Variants in ELMO1 observed in about 807,000 individuals in gnomAD.
The protein encoded by ELMO1 is engulfment and cell motility protein 1.
A neutral mutation model predicts 98.9 loss-of-function variants in ELMO1; 26 were observed. The observed-to-expected ratio is 0.26, with a 90% CI of 0.19 to 0.36. The LOEUF is 0.36. Among genes scored for constraint, ELMO1 ranks in the 10% least tolerant of loss-of-function variants. The pLI is 1.00. For missense variants in ELMO1, 627 were observed against 935.2 expected (o/e 0.67, Z 4.30); for synonymous variants, 346 against 346.0 (o/e 1.00, Z 0.00).
chr7:37,045,259 A>G (rs777860129), intron 15 of ELMO1, among the ~76,000 whole-genome samples: 8 of 152,238 alleles, frequency 5.3e-5, no homozygotes, highest in Non-Finnish European at 8.8e-5. Context: ...ACTATTACTA[A>G]TGGTAATGAA....
At chr7:37,066,925 A>C (rs1164530656) in intron 15 of ELMO1, among the ~76,000 whole-genome samples, 1 of 152,224 alleles carries the variant, frequency 6.6e-6, no homozygotes, top group African/African-American at 2.4e-5. Flanking sequence ...TGCATTACCC[A>C]GCTAAGCAAA....
chr7:37,029,153 G>A (rs1379939958), intron 15 of ELMO1, among the ~76,000 whole-genome samples: 3 of 152,126 alleles, frequency 2.0e-5, no homozygotes, highest in African/African-American at 7.2e-5. Flanking sequence ...AACCAGATCT[G>A]TGCACAACCA....
intron 16 of ELMO1, among the ~76,000 whole-genome samples, chr7:36,960,506 A>G (rs1170328781): frequency 1.3e-5 from 2 of 151,988 alleles, no homozygotes; most frequent in Admixed American, 6.6e-5. Flanking sequence ...CTCTTCCCCC[A>G]GCTGTAGTTC....
At chr7:36,915,954 T>A (rs113426543) in intron 16 of ELMO1, among the ~76,000 whole-genome samples, 161 of 152,296 alleles carry the variant, frequency 1.1e-3, no homozygotes, top group Middle Eastern at 3.4e-3. Context: ...TTTGGGGTCA[T>A]CCTTGTGAGT....
chr7:36,886,489 A>T (rs1805022348), intron 18 of ELMO1, among the ~76,000 whole-genome samples: 1 of 152,218 alleles, frequency 6.6e-6, no homozygotes, highest in Admixed American at 6.5e-5. Context: ...GTGGCTTAGC[A>T]GGGCATCCAG....
intron 20 of ELMO1, among the ~76,000 whole-genome samples, chr7:36,862,514 C>T (rs1247604748): frequency 6.6e-6 from 1 of 152,238 alleles, no homozygotes; most frequent in Non-Finnish European, 1.5e-5. Context: ...AGTGCCATGT[C>T]TAATATGTAC....
intron 13 of ELMO1, among the ~76,000 whole-genome samples, chr7:37,137,377 T>C (rs1013017711): frequency 9.2e-5 from 14 of 152,086 alleles, no homozygotes; most frequent in African/African-American, 3.1e-4. Flanking sequence ...AGACAGAAAG[T>C]CAACAAAGAA....
intron 1 of ELMO1, among the ~76,000 whole-genome samples, chr7:37,392,484 C>T (rs1458405960): frequency 6.6e-6 from 1 of 152,182 alleles, no homozygotes; most frequent in Non-Finnish European, 1.5e-5. Context: ...AGCATGAGCA[C>T]GTCAGTCAGA....
chr7:37,173,192 A>T (rs1002487935), intron 13 of ELMO1, among the ~76,000 whole-genome samples: 20 of 152,188 alleles, frequency 1.3e-4, no homozygotes, highest in African/African-American at 4.6e-4. Flanking sequence ...AACTCTAGAG[A>T]TGCACTCTTT....
In ELMO1 at chr7:37,364,510, CA is replaced by C. The variant is rs373018679; in HGVS notation, c.-73-21748del. 2.0e-3 allele frequency among the ~76,000 whole-genome samples: 311 copies of C among 152,018 alleles called. 1 individual carries two copies. The highest frequency in any genetic ancestry group is 3.5e-3 in the Non-Finnish European group (238 of 67,988). On this transcript the variant is annotated intron_variant, in intron 1 of 21. Transcript: ENST00000310758. The stretch of plus-strand genomic sequence containing the variant: ...AGAAAGAGACTTCTTCACTTGTTTT[CA>C]AAACCTTTAACACATAGGAAAATAA...
At chr7:37,436,736 G>A (rs564622102) in intron 1 of ELMO1, among the ~76,000 whole-genome samples, 1 of 152,294 alleles carries the variant, frequency 6.6e-6, no homozygotes, top group South Asian at 2.1e-4. Flanking sequence ...CATCCAGAGA[G>A]AGCGATTGGA....
chr7:37,385,560 AT>A (rs1214021357), intron 1 of ELMO1, among the ~76,000 whole-genome samples: 2 of 152,244 alleles, frequency 1.3e-5, no homozygotes, highest in South Asian at 2.1e-4. Flanking sequence ...TATTTTCTTG[AT>A]GGCACTTCTC....
intron 2 of ELMO1, among the ~76,000 whole-genome samples, chr7:37,319,006 G>GCT (rs987151691): frequency 8.5e-5 from 13 of 152,114 alleles, no homozygotes; most frequent in African/African-American, 2.9e-4. Flanking sequence ...TTTACCTGTA[G>GCT]CTCTCTAATT....
In ELMO1 at chr7:37,211,435, TC is replaced by T; in HGVS notation, c.1036del (p.Glu346ArgfsTer73). The T allele has an allele frequency of 6.2e-7, 1 of 1,614,058 alleles. No homozygotes were observed. Among genetic ancestry groups the T allele is most frequent in the South Asian group, 1.1e-5 (1 of 91,072 alleles). ...SEPNNSSGSM[E>X]KRKSMYTRDY... ...TCGCGTGTACATGGACTTGCGTTTC[TC>T]CATGCTGCCACTGCTGTTGTTAGGT... On this transcript the variant is annotated frameshift_variant, in exon 13 of 22. Coordinates refer to ENST00000310758, the MANE Select transcript of ELMO1 (RefSeq NM_014800.11). LOFTEE classifies it high-confidence loss of function.
At chr7:37,400,377 T>A (rs757844325) in intron 1 of ELMO1, among the ~76,000 whole-genome samples, 78 of 151,452 alleles carry the variant, frequency 5.2e-4, no homozygotes, top group Non-Finnish European at 8.4e-4. Flanking sequence ...TTTCAAAATT[T>A]AAAAAAAAAG....
At chr7:36,931,549 C>T (rs548059498) in intron 16 of ELMO1, among the ~76,000 whole-genome samples, 108 of 152,256 alleles carry the variant, frequency 7.1e-4, no homozygotes, top group Middle Eastern at 6.8e-3. Flanking sequence ...TGCAGTGAGC[C>T]GAGATTGCAT....
intron 16 of ELMO1, among the ~76,000 whole-genome samples, chr7:36,970,220 C>T (rs1440985073): frequency 4.0e-5 from 6 of 149,440 alleles, no homozygotes; most frequent in Admixed American, 6.7e-5. Context: ...CACACACACA[C>T]GCACACCAAG....
intron 16 of ELMO1, among the ~76,000 whole-genome samples, chr7:36,916,909 T>C (rs1338197152): frequency 3.9e-5 from 6 of 152,198 alleles, no homozygotes; most frequent in African/African-American, 1.4e-4. Flanking sequence ...TGGCTCAATT[T>C]GGGTACAAGT....
chr7:37,074,386 G>A (rs7809495), intron 15 of ELMO1, among the ~76,000 whole-genome samples: 36,384 of 151,890 alleles, frequency 0.24, 5,230 homozygotes, highest in African/African-American at 0.41. Flanking sequence ...GCTTAAAATG[G>A]TGTTAGAATA....
Sources: gnomAD v4.1 joint callset for allele counts (sites outside exome capture counted in the v4.1 genomes callset) on GRCh38, gnomAD v4.1.1 for gene constraint, MANE v1.5 for transcripts, NCBI Gene and HGNC (gene_info 2026-07-23, HGNC 2026-07-21) for gene names.